LAMA2: variants seen among roughly 807,000 people sequenced by gnomAD.
LAMA2 encodes the protein laminin subunit alpha 2, also known as laminin subunit alpha-2.
Under a neutral mutation model 364.8 loss-of-function variants are expected in LAMA2, and 269 were observed. The observed-to-expected ratio is 0.74, with a 90% CI of 0.67 to 0.82. LAMA2 has a LOEUF of 0.82. Among genes scored for constraint, LAMA2 ranks in the 40% least tolerant of loss-of-function variants. The pLI is 0.00. For synonymous variants in LAMA2, 1,379 were observed against 1,370.6 expected (o/e 1.01, Z -0.14); for missense variants, 3,807 against 3,873.2 (o/e 0.98, Z 0.45).
At chr6:129,325,422 AC>A (rs1230198656) in intron 28 of LAMA2, among the ~76,000 whole-genome samples, 4 of 152,144 alleles carry the variant, frequency 2.6e-5, no homozygotes, top group African/African-American at 4.8e-5. Flanking sequence ...ATTCTCACAA[AC>A]TTTTGTCTCA....
chr6:129,452,201 A>G (rs1321181107), intron 45 of LAMA2, among the ~76,000 whole-genome samples: 1 of 152,212 alleles, frequency 6.6e-6, no homozygotes, highest in Admixed American at 6.5e-5. Flanking sequence ...AAATCAAATA[A>G]TCAACTAGTG....
At chr6:129,453,223 TC>T in intron 46 of LAMA2, 92 bp downstream of exon 46, 1 of 1,203,378 alleles carries the variant, frequency 8.3e-7, no homozygotes, top group Non-Finnish European at 1.2e-6. Flanking sequence ...ATGTATATGG[TC>T]CCCAAATGGT....
chr6:129,246,095 A>AT (rs11310961), intron 12 of LAMA2, among the ~76,000 whole-genome samples: 1 of 152,058 alleles, frequency 6.6e-6, no homozygotes, highest in East Asian at 1.9e-4. Flanking sequence ...GAAAATAATA[A>AT]TTTTTTTCAT....
intron 40 of LAMA2, among the ~76,000 whole-genome samples, chr6:129,417,169 G>C (rs188107961): frequency 2.6e-5 from 4 of 151,966 alleles, no homozygotes; most frequent in Non-Finnish European, 4.4e-5. Flanking sequence ...CACCATTTGC[G>C]GGGGGGTCCC....
chr6:129,010,519 G>T (rs957017906), intron 1 of LAMA2, among the ~76,000 whole-genome samples: 3 of 152,150 alleles, frequency 2.0e-5, no homozygotes, highest in Non-Finnish European at 4.4e-5. Context: ...CTTTCATGAT[G>T]TATTTAAATT....
At chr6:129,386,077 T>G (rs1357894691) in intron 35 of LAMA2, among the ~76,000 whole-genome samples, 2 of 152,130 alleles carry the variant, frequency 1.3e-5, no homozygotes, top group Non-Finnish European at 2.9e-5. Context: ...ATACAACTTT[T>G]TTTTTTACCT....
intron 41 of LAMA2, among the ~76,000 whole-genome samples, chr6:129,433,188 C>T (rs868330735): frequency 1.1e-4 from 16 of 152,096 alleles, no homozygotes; most frequent in African/African-American, 3.4e-4. Context: ...GAAATGATAC[C>T]GTTCCGAATC....
chr6:129,066,925 A>T (rs1161217934), intron 3 of LAMA2, among the ~76,000 whole-genome samples: 1 of 152,210 alleles, frequency 6.6e-6, no homozygotes, highest in Non-Finnish European at 1.5e-5. Context: ...AATCCATTCA[A>T]ATTCTAAATG....
chr6:129,033,987 T>A (rs1786423565), intron 1 of LAMA2, among the ~76,000 whole-genome samples: 1 of 151,870 alleles, frequency 6.6e-6, no homozygotes, highest in African/African-American at 2.4e-5. Flanking sequence ...AAGCAGTTCG[T>A]GGACTCTAAT....
intron 12 of LAMA2, among the ~76,000 whole-genome samples, chr6:129,206,589 A>G (rs1782695416): frequency 6.6e-6 from 1 of 152,204 alleles, no homozygotes; most frequent in South Asian, 2.1e-4. Context: ...AGTATCTTCA[A>G]GAAATTCTTA....
intron 1 of LAMA2, among the ~76,000 whole-genome samples, chr6:128,922,593 A>G (rs1240997378): frequency 6.6e-6 from 1 of 151,710 alleles, no homozygotes; most frequent in East Asian, 1.9e-4. Context: ...AGTTCATTGT[A>G]GATTCTGGAT....
chr6:129,219,832 T>TG (rs553373067), intron 12 of LAMA2, among the ~76,000 whole-genome samples: 4 of 4,002 alleles, frequency 1.0e-3, no homozygotes, highest in Admixed American at 4.2e-3. Flanking sequence ...TGTTGTGGGG[T>TG]GGGGGGGAGG....
At chr6:129,294,424 C>T (rs1300466834) in intron 20 of LAMA2, among the ~76,000 whole-genome samples, 2 of 152,128 alleles carry the variant, frequency 1.3e-5, no homozygotes, top group Non-Finnish European at 2.9e-5. Context: ...TGGCAGATTT[C>T]CTATCTAGTG....
intron 12 of LAMA2, among the ~76,000 whole-genome samples, chr6:129,233,846 T>G (rs1342619333): frequency 1.3e-5 from 2 of 152,218 alleles, no homozygotes; most frequent in Non-Finnish European, 2.9e-5. Flanking sequence ...TTTTTTTCCT[T>G]TTCCCCTTCA....
chr6:129,264,726 G>A (rs928458086), intron 15 of LAMA2, among the ~76,000 whole-genome samples: 3 of 152,212 alleles, frequency 2.0e-5, no homozygotes, highest in Admixed American at 2.0e-4. Flanking sequence ...AAGAAATTGT[G>A]GGAGGAAAAG....
At position 129,509,686 on chromosome 6, in the gene LAMA2, C is replaced by T. The variant is rs562886142; in HGVS notation, c.8857+2044C>T. 5.9e-5 allele frequency among the ~76,000 whole-genome samples: 9 copies of T among 152,180 alleles called. No homozygotes were observed. In the South Asian group the frequency reaches 1.0e-3, roughly 18 times the overall value. ...TGTAGATGTATGGATTTATTTCTGG[C>T]TTCTCTATCCTGTTCCACTGGTCTA... On this transcript the variant is annotated intron_variant, in intron 62 of 64. Coordinates refer to ENST00000421865, the MANE Select transcript of LAMA2 (RefSeq NM_000426.4).
At position 129,187,580 on chromosome 6, in the gene LAMA2, G is replaced by A. The variant is rs545838406; in HGVS notation, c.1468-2625G>A. On this transcript the variant is annotated intron_variant, in intron 10 of 64. Transcript: ENST00000421865. ...ATATCTCTTAGGATGGACTTTCTGA[G>A]GGCAGGGCCCTGGATCTCAAGTACC... Among the ~76,000 whole-genome samples the A allele has an allele frequency of 6.0e-5, 8 of 132,572 alleles. No homozygotes were observed. In the East Asian group the frequency reaches 1.5e-3, roughly 26 times the overall value. The allele number at this position is 132,572 out of a possible 152,430, so 87.0% of individuals were successfully genotyped here. A position where few individuals can be genotyped will look rare whatever the true frequency, so the allele number is the denominator to read the frequency against.
intron 14 of LAMA2, among the ~76,000 whole-genome samples, chr6:129,256,765 T>A (rs9492284): frequency 0.074 from 3,984 of 53,828 alleles, 293 homozygotes; most frequent in African/African-American, 0.34. Flanking sequence ...TTATATAGCA[T>A]ATATATATAT....
At chr6:129,430,512 T>G (rs998533100) in intron 41 of LAMA2, among the ~76,000 whole-genome samples, 1 of 152,188 alleles carries the variant, frequency 6.6e-6, no homozygotes, top group Admixed American at 6.5e-5. Context: ...TGTGTGAGTT[T>G]GAGATTTGAA....
Sources: gnomAD v4.1 joint callset for allele counts (sites outside exome capture counted in the v4.1 genomes callset) on GRCh38, gnomAD v4.1.1 for gene constraint, MANE v1.5 for transcripts, NCBI Gene and HGNC (gene_info 2026-07-23, HGNC 2026-07-21) for gene names.